Variants in ZRANB3 observed in about 807,000 individuals in gnomAD.
ZRANB3 encodes zinc finger RANBP2-type containing 3, also known as DNA annealing helicase and endonuclease ZRANB3.
A neutral mutation model predicts 133.8 loss-of-function variants in ZRANB3; 125 were observed. That is an observed-to-expected ratio of 0.93 (90% CI 0.81 to 1.08). The LOEUF (loss-of-function observed/expected upper bound fraction) is 1.08. ZRANB3 is among the 50% of genes least tolerant of loss of function. The pLI is 0.00. For synonymous variants in ZRANB3, 387 were observed against 432.7 expected (o/e 0.89, Z 1.31); for missense variants, 1,229 against 1,275.5 (o/e 0.96, Z 0.56).
intron 2 of ZRANB3, among the ~76,000 whole-genome samples, chr2:135,457,629 A>G (rs1251743265): frequency 1.3e-5 from 2 of 152,076 alleles, no homozygotes. Flanking sequence ...TTGCTGAGTT[A>G]TAAGTTGTTT....
intron 12 of ZRANB3, among the ~76,000 whole-genome samples, chr2:135,246,007 ATTTCTTTTCT>A (rs1297437366): frequency 9.6e-5 from 13 of 135,044 alleles, no homozygotes; most frequent in South Asian, 2.4e-4. Flanking sequence ...GAATAGCTCC[ATTTCTTTTCT>A]TTTCTTTTCT....
intron 2 of ZRANB3, among the ~76,000 whole-genome samples, chr2:135,392,305 C>A (rs1357820424): frequency 1.5e-5 from 2 of 129,826 alleles, no homozygotes; most frequent in African/African-American, 3.1e-5. Flanking sequence ...CAAAGGGAGA[C>A]CCTATCTCTA....
chr2:135,496,855 A>T (rs1261389895), intron 2 of ZRANB3, among the ~76,000 whole-genome samples: 1 of 152,156 alleles, frequency 6.6e-6, no homozygotes, highest in Non-Finnish European at 1.5e-5. Flanking sequence ...ATGCGATACC[A>T]ACTCTTCGCT....
At chr2:135,339,699 G>GT (rs1684542690) in intron 6 of ZRANB3, among the ~76,000 whole-genome samples, 1 of 152,190 alleles carries the variant, frequency 6.6e-6, no homozygotes, top group Non-Finnish European at 1.5e-5. Context: ...TTTTATAACT[G>GT]TAATAGGTAA....
chr2:135,258,643 C>A (rs1679784358), intron 12 of ZRANB3, among the ~76,000 whole-genome samples: 1 of 152,330 alleles, frequency 6.6e-6, no homozygotes, highest in South Asian at 2.1e-4. Flanking sequence ...CTATCTGTAA[C>A]AATGAGGCTG....
intron 2 of ZRANB3, among the ~76,000 whole-genome samples, chr2:135,421,579 C>T (rs1286555609): frequency 6.6e-6 from 1 of 152,114 alleles, no homozygotes; most frequent in African/African-American, 2.4e-5. Flanking sequence ...TCCTTCCTCC[C>T]TCTTCCAGAT....
chr2:135,400,827 T>A (rs1223422070), intron 2 of ZRANB3, among the ~76,000 whole-genome samples: 1 of 152,180 alleles, frequency 6.6e-6, no homozygotes, highest in African/African-American at 2.4e-5. Context: ...CAGGGTTGTG[T>A]TCCAAAAAAA....
At chr2:135,465,732 A>G (rs1690958511) in intron 2 of ZRANB3, among the ~76,000 whole-genome samples, 1 of 152,222 alleles carries the variant, frequency 6.6e-6, no homozygotes, top group African/African-American at 2.4e-5. Flanking sequence ...TGAACAGGCA[A>G]CCTACAGAAT....
intron 3 of ZRANB3, chr2:135,355,316 G>C: frequency 1.0e-6 from 1 of 963,072 alleles, no homozygotes. Flanking sequence ...TGGATTCTGG[G>C]AACAACTTGG....
chr2:135,455,890 G>A (rs796524773), intron 2 of ZRANB3, among the ~76,000 whole-genome samples: 20 of 152,166 alleles, frequency 1.3e-4, no homozygotes, highest in South Asian at 6.2e-4. Context: ...CACCGCGCCC[G>A]GCCCAACTAT....
At chr2:135,236,115 A>G (rs1695271541) in intron 12 of ZRANB3, among the ~76,000 whole-genome samples, 1 of 152,230 alleles carries the variant, frequency 6.6e-6, no homozygotes, top group African/African-American at 2.4e-5. Flanking sequence ...TCAATGTACA[A>G]AAATCACAAG....
At chr2:135,428,959 T>C (rs1211429336) in intron 2 of ZRANB3, among the ~76,000 whole-genome samples, 1 of 152,244 alleles carries the variant, frequency 6.6e-6, no homozygotes, top group African/African-American at 2.4e-5. Context: ...GTTCAGCCAC[T>C]GTGGAAAGCA....
chr2:135,251,441 CA>C (rs1486168807), intron 12 of ZRANB3, among the ~76,000 whole-genome samples: 2 of 152,016 alleles, frequency 1.3e-5, no homozygotes, highest in African/African-American at 4.8e-5. Context: ...TTGGAGGGGC[CA>C]GGGGCGGAAT....
intron 12 of ZRANB3, among the ~76,000 whole-genome samples, chr2:135,232,960 T>G (rs1303368375): frequency 1.3e-5 from 2 of 152,072 alleles, no homozygotes; most frequent in African/African-American, 4.8e-5. Context: ...TTTGACAAGG[T>G]GAGAGAAGAA....
chr2:135,211,224 C>T lies in ZRANB3; in HGVS notation c.2496-2246G>A, dbSNP rs573162008. On this transcript the variant is annotated intron_variant, in intron 17 of 20. Transcript: ENST00000264159. ...GGCTGTACAACCATCATCACTAATT[C>T]CAGAATATTTTCATCACTCCAAAAA... Among the ~76,000 whole-genome samples the T allele has an allele frequency of 4.6e-3, 703 of 152,114 alleles. 3 individuals are homozygous for T. The highest frequency in any genetic ancestry group is 7.4e-3 in the Non-Finnish European group (500 of 67,976).
chr2:135,234,166 T>G (rs1695176604), intron 12 of ZRANB3, among the ~76,000 whole-genome samples: 1 of 151,970 alleles, frequency 6.6e-6, no homozygotes, highest in Non-Finnish European at 1.5e-5. Context: ...AAAACAGACT[T>G]TAAACCAACA....
At chr2:135,423,392 C>T (rs532456544) in intron 2 of ZRANB3, among the ~76,000 whole-genome samples, 21 of 152,280 alleles carry the variant, frequency 1.4e-4, no homozygotes, top group Admixed American at 1.3e-3. Flanking sequence ...GATCGTGCCA[C>T]TGCACTCTAG....
At chr2:135,416,473 C>T (rs543480908) in intron 2 of ZRANB3, among the ~76,000 whole-genome samples, 1 of 151,714 alleles carries the variant, frequency 6.6e-6, no homozygotes, top group African/African-American at 2.4e-5. Context: ...ACAAACAAAT[C>T]GAAGAACATT....
intron 2 of ZRANB3, among the ~76,000 whole-genome samples, chr2:135,431,760 A>C (rs1689332557): frequency 1.3e-5 from 2 of 152,200 alleles, no homozygotes; most frequent in Non-Finnish European, 2.9e-5. Context: ...GTGAAATACC[A>C]TTATATACCT....
Sources: allele counts gnomAD v4.1 joint callset (sites outside exome capture counted in the v4.1 genomes callset), GRCh38; gene constraint gnomAD v4.1.1; transcripts MANE v1.5; gene names NCBI Gene and HGNC (gene_info 2026-07-23, HGNC 2026-07-21).